The following HOMER2 variants were observed in gnomAD, a reference collection of about 807,000 sequenced individuals.
The protein encoded by HOMER2 is homer protein homolog 2.
HOMER2 carries 27 observed loss-of-function variants against 47.0 expected under a neutral mutation model. That is an observed-to-expected ratio of 0.57 (90% CI 0.42 to 0.79). HOMER2 has a LOEUF of 0.79. Ranked by LOEUF, HOMER2 falls within the 30% of genes least tolerant of loss-of-function variation. The pLI is 0.00. For synonymous variants in HOMER2, 161 were observed against 163.8 expected (o/e 0.98, Z 0.13); for missense variants, 443 against 435.0 (o/e 1.02, Z -0.16).
intron 2 of HOMER2, among the ~76,000 whole-genome samples, chr15:82,892,308 G>C (rs2052736247): frequency 6.6e-6 from 1 of 152,070 alleles, no homozygotes; most frequent in Admixed American, 6.5e-5. Context: ...AATATTCTAG[G>C]AATCTATCCT....
chr15:82,943,002 G>A (rs886621142), intron 1 of HOMER2, among the ~76,000 whole-genome samples: 2 of 152,154 alleles, frequency 1.3e-5, no homozygotes, highest in South Asian at 2.1e-4. Flanking sequence ...TGCCCAAGGG[G>A]ATTAAGGATG....
At chr15:82,969,477 A>G (rs1231447232) in intron 1 of HOMER2, among the ~76,000 whole-genome samples, 8 of 152,182 alleles carry the variant, frequency 5.3e-5, no homozygotes, top group Non-Finnish European at 1.2e-4. Flanking sequence ...ATAAGTCCCT[A>G]TGAAATGTTT....
intron 1 of HOMER2, among the ~76,000 whole-genome samples, chr15:82,973,379 A>G (rs2030079186): frequency 6.6e-6 from 1 of 152,176 alleles, no homozygotes; most frequent in African/African-American, 2.4e-5. Flanking sequence ...GTCATCTGTA[A>G]GCCTGGATTG....
At chr15:82,863,386 A>G (rs565998977) in intron 4 of HOMER2, among the ~76,000 whole-genome samples, 1 of 152,294 alleles carries the variant, frequency 6.6e-6, no homozygotes, top group East Asian at 1.9e-4. Flanking sequence ...GTAGCTAATA[A>G]ATAAAAAATT....
chr15:82,880,527 T>C (rs924990244), intron 2 of HOMER2, among the ~76,000 whole-genome samples: 1 of 152,140 alleles, frequency 6.6e-6, no homozygotes, highest in Non-Finnish European at 1.5e-5. Context: ...TTATTAGACA[T>C]TGAATGGTAC....
At chr15:82,910,745 G>C (rs1292543619) in intron 1 of HOMER2, among the ~76,000 whole-genome samples, 1 of 152,124 alleles carries the variant, frequency 6.6e-6, no homozygotes, top group East Asian at 1.9e-4. Context: ...TTCCTCAGAT[G>C]GGAGTTTTTG....
At chr15:82,850,054 A>G (rs2051341784) in intron 8 of HOMER2, among the ~76,000 whole-genome samples, 151 bp from the exon 9 acceptor site, 1 of 152,236 alleles carries the variant, frequency 6.6e-6, no homozygotes, top group Admixed American at 6.5e-5. Context: ...CCAGCACACA[A>G]GCCTGTGACC....
chr15:82,911,414 A>G (rs2053451481), intron 1 of HOMER2, among the ~76,000 whole-genome samples: 1 of 152,172 alleles, frequency 6.6e-6, no homozygotes, highest in Non-Finnish European at 1.5e-5. Context: ...AGTCGTTGTA[A>G]ATGTACGGCT....
At chr15:82,850,786 G>A (rs1264397838) in intron 8 of HOMER2, among the ~76,000 whole-genome samples, 3 of 152,204 alleles carry the variant, frequency 2.0e-5, no homozygotes, top group African/African-American at 4.8e-5. Context: ...CCCAAGGTCA[G>A]TGCCCAAGGC....
intron 1 of HOMER2, among the ~76,000 whole-genome samples, chr15:82,911,832 C>T (rs1273486060): frequency 6.6e-6 from 1 of 152,064 alleles, no homozygotes; most frequent in African/African-American, 2.4e-5. Flanking sequence ...GAGTTCGAGA[C>T]CAGACTGGTC....
At chr15:82,859,221 C>T (rs778602304) in intron 4 of HOMER2, 86 bp from the exon 5 acceptor site, 2 of 1,592,568 alleles carry the variant, frequency 1.3e-6, no homozygotes, top group South Asian at 2.2e-5. Context: ...ACATCGGCAG[C>T]AAGTTAGGCA....
At chr15:82,964,276 C>T (rs1277518130) in intron 1 of HOMER2, among the ~76,000 whole-genome samples, 2 of 152,210 alleles carry the variant, frequency 1.3e-5, no homozygotes, top group Non-Finnish European at 2.9e-5. Context: ...GCGCGTCCCC[C>T]TGCCTACATA....
intron 1 of HOMER2, among the ~76,000 whole-genome samples, chr15:82,904,247 C>T (rs1019702855): frequency 8.5e-5 from 13 of 152,298 alleles, no homozygotes; most frequent in South Asian, 2.1e-4. Flanking sequence ...AAGCAGGTAC[C>T]GAGAATAACA....
intron 1 of HOMER2, among the ~76,000 whole-genome samples, chr15:82,980,840 G>A (rs1269300940): frequency 6.6e-6 from 1 of 152,138 alleles, no homozygotes; most frequent in Non-Finnish European, 1.5e-5. Flanking sequence ...TTATTAGAGT[G>A]GTTTCAGTGG....
downstream of HOMER2, chr15:82,958,119 G>A (rs2054601354): frequency 6.6e-6 from 1 of 152,186 alleles, no homozygotes; most frequent in Admixed American, 6.5e-5. Context: ...TTATAGGCGT[G>A]AGCCACCGAG....
Position 82,859,099 on chromosome 15 carries a change from A to G in HOMER2, c.424T>C (p.Ser142Pro). Residue 142 changes from serine to proline, a missense_variant, in exon 5 of 9, where the codon TCT becomes CCT. Coordinates refer to ENST00000450735, the MANE Select transcript of HOMER2 (RefSeq NM_004839.4). ...SVNGTDDEKASHAGPANTHLK... is the reference protein window; with the variant it reads ...SVNGTDDEKAPHAGPANTHLK... ...TGTGTGTTGGCTGGACCGGCGTGAG[A>G]GGCCTTTTCATCGTCCGTCCCGTTG... 6.2e-7 allele frequency: 1 copy of G among 1,613,998 alleles called. No individual in the cohort carries two copies. Among genetic ancestry groups the G allele is most frequent in the Non-Finnish European group, 8.5e-7 (1 of 1,179,880 alleles).
chr15:82,848,365 C>T (rs570891101), downstream of HOMER2, among the ~76,000 whole-genome samples: 1 of 152,300 alleles, frequency 6.6e-6, no homozygotes, highest in South Asian at 2.1e-4. Flanking sequence ...AGCCTCCCCC[C>T]TGCTCAAGGC....
intron 1 of HOMER2, among the ~76,000 whole-genome samples, chr15:82,945,127 A>G (rs919098019): frequency 5.3e-5 from 8 of 151,936 alleles, no homozygotes; most frequent in African/African-American, 1.9e-4. Context: ...AAATTACCCA[A>G]TGTTAATTGT....
intron 3 of HOMER2, among the ~76,000 whole-genome samples, chr15:82,868,404 A>C: frequency 6.6e-6 from 1 of 151,222 alleles, no homozygotes; most frequent in East Asian, 1.9e-4. Flanking sequence ...GAGAAGAACA[A>C]CACACACAGA....
Sources: gnomAD v4.1 joint callset for allele counts (sites outside exome capture counted in the v4.1 genomes callset) on GRCh38, gnomAD v4.1.1 for gene constraint, MANE v1.5 for transcripts, NCBI Gene and HGNC (gene_info 2026-07-23, HGNC 2026-07-21) for gene names.